LRRTM4: variants seen among roughly 807,000 people sequenced by gnomAD.
LRRTM4 encodes leucine rich repeat transmembrane neuronal 4, also known as leucine-rich repeat transmembrane neuronal protein 4.
In LRRTM4, 25 loss-of-function variants were observed where a neutral mutation model predicts 47.6. The ratio of observed to expected loss-of-function variants is 0.53; its 90% CI spans 0.38 to 0.73. The LOEUF (loss-of-function observed/expected upper bound fraction) is 0.73. Ranked by LOEUF, LRRTM4 falls within the 30% of genes least tolerant of loss-of-function variation. The probability of loss-of-function intolerance (pLI) is 0.00; values close to 1 mark genes in which losing one functional copy is unlikely to be tolerated. For synonymous variants in LRRTM4, 311 were observed against 269.5 expected (o/e 1.15, Z -1.51); for missense variants, 638 against 713.4 (o/e 0.89, Z 1.20).
Position 77,370,265 on chromosome 2 carries a change from C to G in LRRTM4, c.1551+148053G>C, listed in dbSNP as rs80334054. On this transcript the variant is annotated intron_variant, in intron 3 of 3. Coordinates refer to ENST00000409884, the MANE Select transcript of LRRTM4 (RefSeq NM_001134745.3). ...GAGATGGACTCCCCTAAGGCTAATT[C>G]AAACTCATGCCTGGAAAGAATCAAA... Among the ~76,000 whole-genome samples, 124 of 151,692 alleles carry G rather than the reference C, an allele frequency of 8.2e-4. 2 individuals are homozygous for G. In the East Asian group the frequency reaches 0.024, roughly 30 times the overall value.
At chr2:76,806,461 A>G (rs574668815) in intron 3 of LRRTM4, among the ~76,000 whole-genome samples, 54 of 152,118 alleles carry the variant, frequency 3.5e-4, no homozygotes, top group Non-Finnish European at 7.4e-4. Context: ...CACGCCTGTA[A>G]TCCCAGCTAC....
intron 3 of LRRTM4, among the ~76,000 whole-genome samples, chr2:77,268,472 C>G (rs1676110557): frequency 6.6e-6 from 1 of 152,118 alleles, no homozygotes; most frequent in African/African-American, 2.4e-5. Flanking sequence ...CTCTTACCAT[C>G]CTGCCTTGGT....
intron 3 of LRRTM4, among the ~76,000 whole-genome samples, chr2:77,400,719 T>G (rs182206854): frequency 3.9e-5 from 6 of 151,928 alleles, no homozygotes; most frequent in Non-Finnish European, 7.4e-5. Flanking sequence ...TTAATCTCTT[T>G]GCTCTCTCCT....
chr2:76,773,060 G>C (rs567876473), intron 3 of LRRTM4: 1 of 152,134 alleles, frequency 6.6e-6, no homozygotes, highest in Non-Finnish European at 1.5e-5. Flanking sequence ...CCAAGGATAA[G>C]GAGTACTATT....
rs112725061 is a variant in LRRTM4, at chr2:76,892,482, T to C, written c.1552-143566A>G. Among the ~76,000 whole-genome samples, 597 of 151,798 alleles carry C rather than the reference T, an allele frequency of 3.9e-3. 1 individual carries two copies. Among genetic ancestry groups the C allele is most frequent in the African/African-American group, 0.014 (572 of 41,502 alleles). ...TGGAACAGATTTTGGGAAGAACAAA[T>C]AGGCCCATAAGGCATAGTTTCTCCT... On this transcript the variant is annotated intron_variant, in intron 3 of 3. Transcript: ENST00000409884.
intron 3 of LRRTM4, among the ~76,000 whole-genome samples, chr2:77,007,715 T>G (rs1418291756): frequency 6.6e-6 from 1 of 152,176 alleles, no homozygotes; most frequent in Non-Finnish European, 1.5e-5. Flanking sequence ...ATTTATAGTC[T>G]TCTTGCAATG....
chr2:77,338,362 G>A (rs1028298202), intron 3 of LRRTM4, among the ~76,000 whole-genome samples: 3 of 151,844 alleles, frequency 2.0e-5, no homozygotes, highest in Admixed American at 6.6e-5. Flanking sequence ...CTAATGCTCA[G>A]AATCTATAAG....
chr2:77,086,462 GGTTACATATAATAATTT>G, intron 3 of LRRTM4, among the ~76,000 whole-genome samples: 1 of 149,518 alleles, frequency 6.7e-6, no homozygotes, highest in East Asian at 2.0e-4. Context: ...CATGATTGCA[GGTTACATATAATAATTT>G]TTTTTTTTTT....
intron 3 of LRRTM4, among the ~76,000 whole-genome samples, chr2:77,088,220 T>G (rs1007297091): frequency 6.6e-6 from 1 of 152,172 alleles, no homozygotes; most frequent in Non-Finnish European, 1.5e-5. Context: ...AGGTGGCACA[T>G]AAATGGGTAT....
At chr2:77,028,594 G>T (rs1281690734) in intron 3 of LRRTM4, among the ~76,000 whole-genome samples, 1 of 152,018 alleles carries the variant, frequency 6.6e-6, no homozygotes, top group Non-Finnish European at 1.5e-5. Context: ...GGTAAATATT[G>T]ATTCTGAAAA....
At chr2:77,199,166 C>T (rs1253529892) in intron 3 of LRRTM4, among the ~76,000 whole-genome samples, 4 of 152,088 alleles carry the variant, frequency 2.6e-5, no homozygotes, top group East Asian at 1.9e-4. Flanking sequence ...GTTCTCTGAA[C>T]ACATTTAGCT....
intron 3 of LRRTM4, among the ~76,000 whole-genome samples, chr2:77,101,125 A>G (rs931446287): frequency 1.3e-5 from 2 of 152,056 alleles, no homozygotes; most frequent in African/African-American, 2.4e-5. Flanking sequence ...TGACTTTTTT[A>G]GTTAATCTTA....
intron 3 of LRRTM4, among the ~76,000 whole-genome samples, chr2:77,136,701 C>T (rs530492685): frequency 1.1e-4 from 16 of 152,110 alleles, no homozygotes; most frequent in African/African-American, 3.9e-4. Flanking sequence ...AAGTTCGAAA[C>T]CATGGCAAAG....
intron 3 of LRRTM4, among the ~76,000 whole-genome samples, chr2:76,945,400 G>C (rs551355253): frequency 4.6e-5 from 7 of 152,116 alleles, no homozygotes; most frequent in Admixed American, 4.6e-4. Flanking sequence ...TATTTTAGCA[G>C]ATTGAAAATG....
At chr2:77,025,401 T>C (rs530330478) in intron 3 of LRRTM4, among the ~76,000 whole-genome samples, 63 of 152,270 alleles carry the variant, frequency 4.1e-4, no homozygotes, top group Non-Finnish European at 7.1e-4. Flanking sequence ...AGGTCTTGGG[T>C]ATGCTGAGAT....
intron 3 of LRRTM4, among the ~76,000 whole-genome samples, chr2:76,850,335 C>T (rs369393157): frequency 3.2e-4 from 49 of 152,154 alleles, no homozygotes; most frequent in East Asian, 1.2e-3. Context: ...CCAGTAAAAA[C>T]GGAAGCAATT....
In LRRTM4 at chr2:77,091,543, C is replaced by T. The variant is rs571310773; in HGVS notation, c.1552-342627G>A. The stretch of plus-strand genomic sequence containing the variant: ...TATCAACCAAATTGTTTTGCCTGTC[C>T]ACCCCGTGGTGCCAAACCCATATAC... On this transcript the variant is annotated intron_variant, in intron 3 of 3. Coordinates refer to ENST00000409884, the MANE Select transcript of LRRTM4 (RefSeq NM_001134745.3). Among the ~76,000 whole-genome samples the T allele has an allele frequency of 2.0e-4, 30 of 150,518 alleles. No individual in the cohort carries two copies. In the East Asian group the frequency reaches 4.8e-3, roughly 24 times the overall value.
At chr2:77,438,178 G>A (rs1675678047) in intron 3 of LRRTM4, among the ~76,000 whole-genome samples, 1 of 151,970 alleles carries the variant, frequency 6.6e-6, no homozygotes, top group African/African-American at 2.4e-5. Context: ...ATGTTTTTCA[G>A]TAAAGCAGTA....
chr2:76,942,158 T>G (rs1040433956), intron 3 of LRRTM4, among the ~76,000 whole-genome samples: 3 of 150,254 alleles, frequency 2.0e-5, no homozygotes, highest in Non-Finnish European at 3.0e-5. Flanking sequence ...TTTGGTGGTG[T>G]TTTTTTTTCT....
Sources: allele counts gnomAD v4.1 joint callset (sites outside exome capture counted in the v4.1 genomes callset), GRCh38; gene constraint gnomAD v4.1.1; transcripts MANE v1.5; gene names NCBI Gene and HGNC (gene_info 2026-07-23, HGNC 2026-07-21).